The following COL28A1 variants were observed in gnomAD, a reference collection of about 807,000 sequenced individuals.
The protein encoded by COL28A1 is collagen type XXVIII alpha 1 chain.
COL28A1 carries 161 observed loss-of-function variants against 150.2 expected under a neutral mutation model. The observed-to-expected ratio is 1.07, with a 90% CI of 0.94 to 1.22. COL28A1 has a LOEUF of 1.22. COL28A1 is among the 50% of genes most tolerant of loss of function. The probability of loss-of-function intolerance (pLI) is 0.00; values close to 1 mark genes in which losing one functional copy is unlikely to be tolerated. For missense variants in COL28A1, 1,617 were observed against 1,388.3 expected (o/e 1.16, Z -2.62); for synonymous variants, 552 against 469.7 (o/e 1.18, Z -2.26).
chr7:7,534,558 C>A lies in COL28A1; in HGVS notation c.-38+1192G>T, dbSNP rs1204617362. ...TACCATAAGGAACATCTCAGAAGTT[C>A]TGGAAATAAGAGGCTGAGAACTGAA... On this transcript the variant is annotated intron_variant, in intron 1 of 34. Coordinates refer to ENST00000399429, the MANE Select transcript of COL28A1 (RefSeq NM_001037763.3). Among the ~76,000 whole-genome samples the A allele has an allele frequency of 2.6e-5, 4 of 152,200 alleles. No individual in the cohort carries two copies. The East Asian group carries it at 7.7e-4, about 29-fold the overall frequency.
chr7:7,409,526 G>C (rs1783668212), intron 27 of COL28A1, among the ~76,000 whole-genome samples: 2 of 152,136 alleles, frequency 1.3e-5, no homozygotes, highest in South Asian at 4.1e-4. Context: ...ACTATAGCAT[G>C]ATGAGTAGTT....
Position 7,358,669 on chromosome 7 carries a change from A to G in COL28A1, c.3342T>C (p.Ser1114=). The change falls in exon 35 of 35, where the codon AGT becomes AGC. Residue 1114 remains serine (S), a synonymous_variant. Transcript: ENST00000399429. ...GCNGSGNRFN[S]EKECQETCIQ... ...TGCAGGTTTCTTGACATTCCTTTTC[A>G]CTGTTGAATCTATTTCCTGAGCCAT... The G allele has an allele frequency of 1.2e-6, 2 of 1,613,906 alleles. No individual in the cohort carries two copies. The highest frequency in any genetic ancestry group is 1.1e-5 in the South Asian group (1 of 91,060).
chr7:7,507,015 A>T (rs1780845784), intron 10 of COL28A1, 102 bp downstream of exon 10: 3 of 684,230 alleles, frequency 4.4e-6, no homozygotes, highest in East Asian at 2.7e-5. Context: ...ATCCCCAGAC[A>T]TTCTGATTTA....
intron 27 of COL28A1, among the ~76,000 whole-genome samples, chr7:7,390,128 T>C (rs1285883500): frequency 6.6e-6 from 1 of 152,232 alleles, no homozygotes; most frequent in African/African-American, 2.4e-5. Context: ...GGCTTTGGGT[T>C]TGTCATAAAT....
At chr7:7,398,941 T>C (rs752032263) in intron 27 of COL28A1, among the ~76,000 whole-genome samples, 1 of 152,212 alleles carries the variant, frequency 6.6e-6, no homozygotes, top group Non-Finnish European at 1.5e-5. Flanking sequence ...GGTAGGTTTC[T>C]GCCAGGGTCC....
At chr7:7,441,943 T>C (rs115455928) in intron 20 of COL28A1, among the ~76,000 whole-genome samples, 3,805 of 152,226 alleles carry the variant, frequency 0.025, 146 homozygotes, top group African/African-American at 0.079. Flanking sequence ...CACTTACCAG[T>C]AGAGACAAAA....
chr7:7,379,651 G>C (rs766575180), intron 30 of COL28A1, among the ~76,000 whole-genome samples: 2 of 152,138 alleles, frequency 1.3e-5, no homozygotes, highest in Non-Finnish European at 2.9e-5. Flanking sequence ...AATAAAGGTT[G>C]GTGAAATGAA....
chr7:7,477,772 A>T (rs1261615863), intron 13 of COL28A1, among the ~76,000 whole-genome samples: 1 of 152,176 alleles, frequency 6.6e-6, no homozygotes, highest in Non-Finnish European at 1.5e-5. Flanking sequence ...CACGGTATGG[A>T]AACGGACCCC....
chr7:7,478,771 G>A (rs112072584), intron 13 of COL28A1, among the ~76,000 whole-genome samples: 5,972 of 152,352 alleles, frequency 0.039, 436 homozygotes, highest in African/African-American at 0.14. Flanking sequence ...TGCACCCTCC[G>A]CAGCTGCTGG....
chr7:7,524,445 T>C (rs1781911324), intron 3 of COL28A1, among the ~76,000 whole-genome samples, 196 bp from the exon 4 acceptor site: 2 of 152,156 alleles, frequency 1.3e-5, no homozygotes, highest in South Asian at 4.1e-4. Context: ...TAATAAGAGA[T>C]ATAACTACCA....
chr7:7,380,951 G>A, intron 28 of COL28A1, 89 bp from the exon 29 acceptor site: 1 of 1,129,612 alleles, frequency 8.9e-7, no homozygotes. Flanking sequence ...TCTGCAACTG[G>A]CATCTCTTGA....
intron 30 of COL28A1, among the ~76,000 whole-genome samples, chr7:7,378,685 C>T (rs866527879): frequency 1.2e-4 from 19 of 152,084 alleles, no homozygotes; most frequent in Admixed American, 6.6e-4. Flanking sequence ...TCAGACAGGC[C>T]ACCTCTAGCT....
intron 27 of COL28A1, among the ~76,000 whole-genome samples, chr7:7,398,909 T>C (rs1245119206): frequency 6.6e-6 from 1 of 152,178 alleles, no homozygotes; most frequent in African/African-American, 2.4e-5. Flanking sequence ...GATGCCTCCG[T>C]TGGTGCTCCC....
chr7:7,351,888 A>G (rs1390045007), downstream of COL28A1, among the ~76,000 whole-genome samples: 1 of 152,034 alleles, frequency 6.6e-6, no homozygotes, highest in Non-Finnish European at 1.5e-5. Flanking sequence ...AACCTGAAAA[A>G]CTAGTTCAGG....
At chr7:7,389,977 C>A (rs992237831) in intron 27 of COL28A1, among the ~76,000 whole-genome samples, 1 of 152,238 alleles carries the variant, frequency 6.6e-6, no homozygotes, top group Non-Finnish European at 1.5e-5. Flanking sequence ...TTTGAATACC[C>A]TTTATTTCTT....
rs1483331021 is a variant in COL28A1 at position 7,380,990 on chromosome 7, C to T, written c.2206-128G>A. 5 of 746,436 alleles carry T rather than the reference C, an allele frequency of 6.7e-6. No individual in the cohort carries two copies. The African/African-American group carries it at 8.8e-5, about 13-fold the overall frequency. The allele number at this position is 746,436 out of a possible 1,614,324, so 46.2% of individuals were successfully genotyped here. A position where few individuals can be genotyped will look rare whatever the true frequency, so the allele number is the denominator to read the frequency against. On this transcript the variant is annotated intron_variant, in intron 28 of 34. Transcript: ENST00000399429. Reference sequence around the variant, plus strand: ...CCTTCAGTTCTTGTTTATACAAATGCAGTATTTGAAAAAAAATTGGGGGTA... The same window carrying T: ...CCTTCAGTTCTTGTTTATACAAATGTAGTATTTGAAAAAAAATTGGGGGTA...
chr7:7,345,447 G>A, the COL28A1 span, among the ~76,000 whole-genome samples: 3 of 152,020 alleles, frequency 2.0e-5, no homozygotes, highest in African/African-American at 7.2e-5. Context: ...GGTGTTCTTC[G>A]TTCCTTCCAG....
At chr7:7,457,814 T>C (rs887229112) in intron 15 of COL28A1, among the ~76,000 whole-genome samples, 1 of 152,184 alleles carries the variant, frequency 6.6e-6, no homozygotes, top group East Asian at 1.9e-4. Context: ...GGCAAATTAG[T>C]TGATGACAGA....
intron 11 of COL28A1, among the ~76,000 whole-genome samples, chr7:7,494,768 T>A (rs986443796): frequency 4.6e-5 from 7 of 152,172 alleles, no homozygotes; most frequent in Non-Finnish European, 1.0e-4. Flanking sequence ...AGCATGTGAA[T>A]TAGCATAATA....
Sources: allele counts gnomAD v4.1 joint callset (sites outside exome capture counted in the v4.1 genomes callset), GRCh38; gene constraint gnomAD v4.1.1; transcripts MANE v1.5; gene names NCBI Gene and HGNC (gene_info 2026-07-23, HGNC 2026-07-21).